CADM2: variants seen among roughly 807,000 people sequenced by gnomAD.
CADM2 encodes immunoglobulin superfamily member 4D.
Under a neutral mutation model 49.8 loss-of-function variants are expected in CADM2, and 12 were observed. The ratio of observed to expected loss-of-function variants is 0.24; its 90% confidence interval spans 0.15 to 0.39. The LOEUF (loss-of-function observed/expected upper bound fraction) is 0.39, where lower values mean the gene tolerates loss of function less well. Ranked by LOEUF, CADM2 falls within the 10% of genes least tolerant of loss-of-function variation. The probability of loss-of-function intolerance (pLI) is 1.00; values close to 1 mark genes in which losing one functional copy is unlikely to be tolerated. For synonymous variants in CADM2, 214 were observed against 175.4 expected, an observed-to-expected ratio of 1.22 and a Z score of -1.74; for missense variants, 378 against 492.3, an observed-to-expected ratio of 0.77 and a Z score of 2.20.
At chr3:85,332,360 T>C (rs2044952200) in intron 1 of CADM2, among the ~76,000 whole-genome samples, 1 of 151,970 alleles carries the variant, frequency 6.6e-6, no homozygotes, top group Non-Finnish European at 1.5e-5. Context: ...AATTTAAAAA[T>C]ATAATGCATT....
At chr3:85,516,187 G>A (rs752335485) in intron 1 of CADM2, among the ~76,000 whole-genome samples, 1 of 152,166 alleles carries the variant, frequency 6.6e-6, no homozygotes, top group Non-Finnish European at 1.5e-5. Context: ...GAAGTTGAAA[G>A]TTCTCCTAAT....
chr3:85,736,340 A>G (rs894534817), intron 2 of CADM2, among the ~76,000 whole-genome samples: 2 of 152,226 alleles, frequency 1.3e-5, no homozygotes, highest in East Asian at 1.9e-4. Flanking sequence ...TAAATTTGCT[A>G]CTGCAAAACA....
intron 3 of CADM2, among the ~76,000 whole-genome samples, chr3:85,802,759 G>A (rs2072131702): frequency 6.6e-6 from 1 of 152,000 alleles, no homozygotes; most frequent in Non-Finnish European, 1.5e-5. Context: ...CTTCTTACTG[G>A]ATAATAGATT....
chr3:85,882,152 C>T (rs901850810), intron 3 of CADM2, among the ~76,000 whole-genome samples: 1 of 151,226 alleles, frequency 6.6e-6, no homozygotes, highest in East Asian at 2.0e-4. Flanking sequence ...AGACATCCCC[C>T]CGCCCCCACC....
intron 1 of CADM2, among the ~76,000 whole-genome samples, chr3:85,228,784 C>G (rs2107807512): frequency 6.6e-6 from 1 of 151,896 alleles, no homozygotes; most frequent in African/African-American, 2.4e-5. Flanking sequence ...GTCTCCTAGC[C>G]AGTCTACACA....
At chr3:85,972,470 T>A (rs539517573) in intron 8 of CADM2, among the ~76,000 whole-genome samples, 1 of 151,846 alleles carries the variant, frequency 6.6e-6, no homozygotes, top group African/African-American at 2.4e-5. Context: ...AGGACATTAG[T>A]GACATAAAGC....
intron 8 of CADM2, among the ~76,000 whole-genome samples, chr3:85,998,819 C>T (rs1465036259): frequency 6.6e-6 from 1 of 152,064 alleles, no homozygotes; most frequent in Non-Finnish European, 1.5e-5. Context: ...TAAAGAAAGA[C>T]AGTGGCCAAA....
chr3:85,261,425 C>A (rs1367562822), intron 1 of CADM2, among the ~76,000 whole-genome samples: 1 of 152,120 alleles, frequency 6.6e-6, no homozygotes, highest in South Asian at 2.1e-4. Context: ...TGAGCCACAG[C>A]GCCTGGCCTC....
intron 2 of CADM2, among the ~76,000 whole-genome samples, chr3:85,762,844 C>T (rs2069460606): frequency 6.6e-6 from 1 of 151,390 alleles, no homozygotes; most frequent in Admixed American, 6.6e-5. Flanking sequence ...ATCATGACAC[C>T]TTATGAAATT....
At chr3:85,487,755 T>C (rs2039489818) in intron 1 of CADM2, among the ~76,000 whole-genome samples, 1 of 151,538 alleles carries the variant, frequency 6.6e-6, no homozygotes, top group South Asian at 2.1e-4. Flanking sequence ...TGCGTGTGTG[T>C]GCGTGTGTGT....
intron 3 of CADM2, among the ~76,000 whole-genome samples, chr3:85,879,330 C>A (rs937604190): frequency 6.6e-6 from 1 of 151,912 alleles, no homozygotes; most frequent in South Asian, 2.1e-4. Flanking sequence ...TAAATCAATT[C>A]TAAAAATATT....
At chr3:85,294,245 C>T (rs1457806770) in intron 1 of CADM2, among the ~76,000 whole-genome samples, 1 of 152,054 alleles carries the variant, frequency 6.6e-6, no homozygotes, top group Non-Finnish European at 1.5e-5. Flanking sequence ...ATGTAAAGGA[C>T]CTCTTCAAGG....
At chr3:85,893,387 A>G (rs111816634) in intron 5 of CADM2, among the ~76,000 whole-genome samples, 6,670 of 152,286 alleles carry the variant, frequency 0.044, 505 homozygotes, top group African/African-American at 0.15. Context: ...TAAAACCATA[A>G]AAACCCTAGA....
At chr3:85,662,371 A>G (rs1238081458) in intron 1 of CADM2, among the ~76,000 whole-genome samples, 3 of 152,054 alleles carry the variant, frequency 2.0e-5, no homozygotes, top group Non-Finnish European at 2.9e-5. Context: ...GCTTCACTCC[A>G]TTACTAATAA....
intron 1 of CADM2, among the ~76,000 whole-genome samples, chr3:85,527,073 T>G (rs1559887296): frequency 6.6e-6 from 1 of 152,140 alleles, no homozygotes; most frequent in South Asian, 2.1e-4. Context: ...CTTGCTATTT[T>G]GTGTGCTAAT....
chr3:84,964,750 T>G (rs1392699857), intron 1 of CADM2, among the ~76,000 whole-genome samples: 1 of 152,224 alleles, frequency 6.6e-6, no homozygotes, highest in African/African-American at 2.4e-5. Flanking sequence ...CACATAGCTA[T>G]GCAATTTTCT....
At chr3:85,818,373 C>T (rs1298819331) in intron 3 of CADM2, among the ~76,000 whole-genome samples, 12 of 152,086 alleles carry the variant, frequency 7.9e-5, no homozygotes, top group Non-Finnish European at 4.4e-5. Flanking sequence ...TGAGTCTGTG[C>T]GACAAACAGC....
chr3:85,512,767 T>C (rs1025050054), intron 1 of CADM2, among the ~76,000 whole-genome samples: 4 of 147,066 alleles, frequency 2.7e-5, no homozygotes, highest in African/African-American at 9.7e-5. Context: ...AGATCATACA[T>C]ACAACAGAAA....
chr3:85,400,044 C>T lies in CADM2; in HGVS notation c.62-326478C>T, dbSNP rs531533172. Among the ~76,000 whole-genome samples the T allele has an allele frequency of 3.9e-4, 60 of 152,254 alleles. 1 individual carries two copies. The highest frequency in any genetic ancestry group is 1.3e-3 in the African/African-American group (53 of 41,548). On this transcript the variant is annotated intron_variant, in intron 1 of 9. Coordinates refer to ENST00000383699, the MANE Select transcript of CADM2 (RefSeq NM_001167675.2). ...CTTGTGCCAGTTTTCAAAGGCAATG[C>T]TTCCATTTTTTGCCCATTCAGTATG...
Sources: allele counts gnomAD v4.1 joint callset (sites outside exome capture counted in the v4.1 genomes callset), GRCh38; gene constraint gnomAD v4.1.1; transcripts MANE v1.5; gene names NCBI Gene and HGNC (gene_info 2026-07-23, HGNC 2026-07-21).